SUMF1: variants seen among roughly 807,000 people sequenced by gnomAD.
The protein encoded by SUMF1 is sulfatase modifying factor 1.
Under a neutral mutation model 47.6 loss-of-function variants are expected in SUMF1, and 48 were observed. The observed-to-expected ratio is 1.01, with a 90% CI of 0.80 to 1.28. The LOEUF (loss-of-function observed/expected upper bound fraction) is 1.28. Among genes scored for constraint, SUMF1 ranks in the 50% most tolerant of loss-of-function variants. The pLI, the probability that SUMF1 is intolerant of heterozygous loss-of-function variation, is 0.00. For missense variants in SUMF1, 571 were observed against 485.4 expected (o/e 1.18, Z -1.66); for synonymous variants, 230 against 192.1 (o/e 1.20, Z -1.63).
chr3:4,231,015 T>C (rs761120954), intron 8 of SUMF1, among the ~76,000 whole-genome samples: 3 of 152,152 alleles, frequency 2.0e-5, no homozygotes, highest in Non-Finnish European at 4.4e-5. Context: ...AAAAGATTTA[T>C]AGAAGGGATA....
chr3:4,307,961 C>T (rs1698255984), intron 8 of SUMF1, among the ~76,000 whole-genome samples: 1 of 151,998 alleles, frequency 6.6e-6, no homozygotes, highest in South Asian at 2.1e-4. Flanking sequence ...ACCTTGAGCC[C>T]AGCAGTTGGA....
At position 4,271,476 on chromosome 3, in the gene SUMF1, T is replaced by C. The variant is rs568882539; in HGVS notation, c.1014+104854A>G. Among the ~76,000 whole-genome samples the C allele has an allele frequency of 3.9e-3, 500 of 129,374 alleles. 2 individuals are homozygous for C. The highest frequency in any genetic ancestry group is 7.5e-3 in the Middle Eastern group (2 of 268). 84.9% of individuals were successfully genotyped at this position (129,374 alleles called of 152,430 possible). A position where few individuals can be genotyped will look rare whatever the true frequency, so the allele number is the denominator to read the frequency against. ...ATGTTTTATACTATCTATAGATAGATAGATAGATAGATAGATAGATAGATA... is the reference window on the plus strand; with the variant it reads ...ATGTTTTATACTATCTATAGATAGACAGATAGATAGATAGATAGATAGATA... On this transcript the variant is annotated intron_variant and NMD_transcript_variant, in intron 8 of 12. Transcript: ENST00000448413.
chr3:4,382,462 G>A (rs921633117), intron 7 of SUMF1, among the ~76,000 whole-genome samples: 2 of 152,152 alleles, frequency 1.3e-5, no homozygotes, highest in South Asian at 2.1e-4. Context: ...AAGATGCAAT[G>A]AACAAAACCC....
At chr3:4,150,235 A>G (rs1377092433) in intron 8 of SUMF1, among the ~76,000 whole-genome samples, 1 of 151,776 alleles carries the variant, frequency 6.6e-6, no homozygotes, top group East Asian at 1.9e-4. Context: ...CTGGGACTGC[A>G]GGGGTGTGCC....
rs574905254 is a variant in SUMF1 at position 4,260,704 on chromosome 3, C to T, written c.1014+115626G>A. On this transcript the variant is annotated intron_variant and NMD_transcript_variant, in intron 8 of 12. Coordinates refer to the SUMF1 transcript ENST00000448413. ...GAGCTGAGATCTCGCCACTGCACTC[C>T]ATCCTGGGTGACAGAGCGAGAATAT... Among the ~76,000 whole-genome samples, 194 of 151,992 alleles carry T rather than the reference C, an allele frequency of 1.3e-3. 1 individual carries two copies. The highest frequency in any genetic ancestry group is 3.4e-3 in the Middle Eastern group (1 of 294).
chr3:4,246,403 T>G (rs899038606), intron 8 of SUMF1, among the ~76,000 whole-genome samples: 2 of 149,220 alleles, frequency 1.3e-5, no homozygotes, highest in African/African-American at 5.2e-5. Context: ...AGTTTTTGTT[T>G]GTTTTTGTTT....
At chr3:4,347,629 A>T (rs1394624952) in intron 8 of SUMF1, among the ~76,000 whole-genome samples, 1 of 152,232 alleles carries the variant, frequency 6.6e-6, no homozygotes, top group Non-Finnish European at 1.5e-5. Context: ...GTACAAGACA[A>T]GGATGCCCTC....
chr3:4,396,800 A>C (rs1265916001), intron 7 of SUMF1, among the ~76,000 whole-genome samples: 1 of 152,182 alleles, frequency 6.6e-6, no homozygotes, highest in Non-Finnish European at 1.5e-5. Context: ...GAGTAGAAAA[A>C]AGAGTGAGGC....
chr3:4,344,271 A>AC (rs1195132111), intron 8 of SUMF1, among the ~76,000 whole-genome samples: 1 of 152,142 alleles, frequency 6.6e-6, no homozygotes, highest in East Asian at 1.9e-4. Flanking sequence ...GGGAAGGGGA[A>AC]CCCCCATTGG....
intron 8 of SUMF1, among the ~76,000 whole-genome samples, chr3:4,176,040 A>G (rs1390670086): frequency 6.6e-6 from 1 of 152,238 alleles, no homozygotes; most frequent in Non-Finnish European, 1.5e-5. Flanking sequence ...GGACTATGTG[A>G]AAAGACCAAA....
chr3:4,271,741 A>G (rs746453804), intron 8 of SUMF1, among the ~76,000 whole-genome samples: 10 of 152,196 alleles, frequency 6.6e-5, no homozygotes, highest in Non-Finnish European at 1.3e-4. Context: ...GCCTCAAGCT[A>G]TCCTCCTACC....
intron 9 of SUMF1, among the ~76,000 whole-genome samples, chr3:4,042,066 T>G (rs942679223): frequency 6.6e-6 from 1 of 152,162 alleles, no homozygotes; most frequent in Non-Finnish European, 1.5e-5. Context: ...AGTCAACAGA[T>G]CTCTTAACCT....
Position 4,362,176 on chromosome 3 carries a change from A to G in SUMF1, c.1093T>C (p.Cys365Arg). The change falls in exon 9 of 9, where the codon TGT becomes CGT. Residue 365 changes from cysteine (C) to arginine (R), a missense_variant. Physicochemically the swap from Cys to Arg is radical, Grantham distance 180. Transcript: ENST00000272902. ...DSSASNLGFR[C>R]AADRLPTMD ...ATAGTGGGCAGGCGGTCGGCTGCACAGCGGAATCCCAGATTCGAAGCAGAG... is the reference window on the plus strand; with the variant it reads ...ATAGTGGGCAGGCGGTCGGCTGCACGGCGGAATCCCAGATTCGAAGCAGAG... 1 of 1,614,208 alleles carries G rather than the reference A, an allele frequency of 6.2e-7. No homozygotes were observed. Among genetic ancestry groups the G allele is most frequent in the Non-Finnish European group, 8.5e-7 (1 of 1,180,012 alleles).
intron 8 of SUMF1, among the ~76,000 whole-genome samples, chr3:4,271,603 G>C (rs1207788063): frequency 6.6e-6 from 1 of 152,142 alleles, no homozygotes; most frequent in Admixed American, 6.5e-5. Context: ...CCAGGCTCAA[G>C]TGATTCTCCC....
chr3:4,270,319 G>T (rs911478641), intron 8 of SUMF1, among the ~76,000 whole-genome samples: 1 of 152,008 alleles, frequency 6.6e-6, no homozygotes, highest in African/African-American at 2.4e-5. Context: ...AACAAACAGG[G>T]AGATCAAGAG....
intron 8 of SUMF1, among the ~76,000 whole-genome samples, chr3:4,269,388 AAC>A (rs1200261904): frequency 7.2e-5 from 11 of 152,220 alleles, no homozygotes; most frequent in African/African-American, 2.2e-4. Context: ...CACTATTAGC[AAC>A]ACAAACTTAC....
At chr3:4,276,169 A>C (rs1426877494) in intron 8 of SUMF1, among the ~76,000 whole-genome samples, 1 of 152,080 alleles carries the variant, frequency 6.6e-6, no homozygotes, top group East Asian at 1.9e-4. Flanking sequence ...CTCTGATAAG[A>C]GATTTGAAGG....
chr3:4,190,243 C>T (rs561501707), intron 8 of SUMF1, among the ~76,000 whole-genome samples: 2 of 150,248 alleles, frequency 1.3e-5, no homozygotes, highest in Admixed American at 6.6e-5. Flanking sequence ...AGCAGCTGGA[C>T]GCTAATCATT....
chr3:4,058,774 A>G (rs1429482483), intron 9 of SUMF1, among the ~76,000 whole-genome samples: 3 of 152,176 alleles, frequency 2.0e-5, no homozygotes, highest in Non-Finnish European at 2.9e-5. Flanking sequence ...TTCAATGAAT[A>G]TGCAAAAACA....
Sources: gnomAD v4.1 joint callset for allele counts (sites outside exome capture counted in the v4.1 genomes callset) on GRCh38, gnomAD v4.1.1 for gene constraint, MANE v1.5 for transcripts, NCBI Gene and HGNC (gene_info 2026-07-23, HGNC 2026-07-21) for gene names.